FRAS1: variants seen among roughly 807,000 people sequenced by gnomAD.
The protein encoded by FRAS1 is Fraser extracellular matrix complex subunit 1.
FRAS1 carries 290 observed loss-of-function variants against 435.2 expected under a neutral mutation model. The ratio of observed to expected loss-of-function variants is 0.67; its 90% CI spans 0.61 to 0.73. The LOEUF (loss-of-function observed/expected upper bound fraction) is 0.73, where lower values mean the gene tolerates loss of function less well. Among genes scored for constraint, FRAS1 ranks in the 30% least tolerant of loss-of-function variants. FRAS1 has a pLI of 0.00. For synonymous variants in FRAS1, 1,800 were observed against 1,851.0 expected (o/e 0.97, Z 0.71); for missense variants, 4,860 against 5,001.5 (o/e 0.97, Z 0.85).
chr4:78,245,251 G>C lies in FRAS1; in HGVS notation c.235G>C (p.Ala79Pro), dbSNP rs927203381. ...TGCTCAGGGAGAAGTGCTTCAAATA[G>C]CTGCCAACCAATGCTGTCCTGAGTG... ...AFEKGEVLQI[A>P]ANQCCPECVL... The change falls in exon 4 of 74, where the codon GCT (alanine) becomes CCT (proline). Residue 79 changes from alanine to proline, a missense_variant. By Grantham distance (27) the Ala-to-Pro change is conservative (BLOSUM62 -1). Transcript: ENST00000512123. 8.7e-6 allele frequency: 14 copies of C among 1,607,538 alleles called. No individual in the cohort carries two copies. The highest frequency in any genetic ancestry group is 1.2e-5 in the Non-Finnish European group (14 of 1,176,974).
At chr4:78,341,901 G>A (rs1474142035) in intron 20 of FRAS1, among the ~76,000 whole-genome samples, 1 of 152,178 alleles carries the variant, frequency 6.6e-6, no homozygotes, top group East Asian at 1.9e-4. Context: ...GCTACTAGGA[G>A]CTTGTCTCCT....
intron 2 of FRAS1, chr4:78,181,632 C>CT (rs1722007023): frequency 6.2e-7 from 1 of 1,610,244 alleles, no homozygotes; most frequent in Non-Finnish European, 8.5e-7. Flanking sequence ...AGTGGCTTTT[C>CT]GAATCTTCGT....
At chr4:78,124,952 T>A (rs2109970843) in intron 2 of FRAS1, among the ~76,000 whole-genome samples, 1 of 152,340 alleles carries the variant, frequency 6.6e-6, no homozygotes, top group South Asian at 2.1e-4. Context: ...AATGCATTCA[T>A]TGATTTTTTG....
At chr4:78,345,844 A>T (rs1324319686) in intron 20 of FRAS1, among the ~76,000 whole-genome samples, 3 of 144,082 alleles carry the variant, frequency 2.1e-5, no homozygotes, top group Non-Finnish European at 1.5e-5. Context: ...ACCTATGCTT[A>T]AATTGAGTCC....
intron 9 of FRAS1, among the ~76,000 whole-genome samples, chr4:78,268,056 C>CT (rs199623916): frequency 2.6e-5 from 4 of 151,638 alleles, no homozygotes; most frequent in Non-Finnish European, 5.9e-5. Context: ...AGGGAAATGA[C>CT]TTTTTTTTTC....
intron 2 of FRAS1, among the ~76,000 whole-genome samples, chr4:78,158,782 C>A (rs538463519): frequency 1.3e-5 from 2 of 152,206 alleles, no homozygotes; most frequent in South Asian, 4.1e-4. Context: ...CTCCTATGAC[C>A]TCTTTACCCA....
intron 2 of FRAS1, among the ~76,000 whole-genome samples, chr4:78,169,873 T>C (rs1721480179): frequency 6.6e-6 from 1 of 152,164 alleles, no homozygotes; most frequent in Non-Finnish European, 1.5e-5. Flanking sequence ...ATTCTGGTGC[T>C]GCCATTTACT....
rs1310579240 is a variant in FRAS1, at chr4:78,540,545, C to T, written c.11460C>T (p.His3820=). The part of the protein sequence containing the change: ...VDALYKVEAG[H]QWYLQVIYII... ...TCCCCCTGCAGGTGGAAGCAGGACA[C>T]CAGTGGTATCTCCAGGTCATCTACA... Residue 3820 remains histidine, a synonymous_variant, in exon 74 of 74, where the codon CAC becomes CAT. Transcript: ENST00000512123. The T allele has an allele frequency of 8.0e-6, 12 of 1,498,846 alleles. No individual in the cohort carries two copies. Among genetic ancestry groups the T allele is most frequent in the South Asian group, 1.4e-5 (1 of 69,416 alleles). 92.8% of individuals were successfully genotyped at this position (1,498,846 alleles called of 1,614,324 possible). A position where few individuals can be genotyped will look rare whatever the true frequency, so the allele number is the denominator to read the frequency against.
intron 2 of FRAS1, among the ~76,000 whole-genome samples, chr4:78,236,308 A>ATTTT (rs146438795): frequency 0.24 from 35,505 of 150,530 alleles, 4,735 homozygotes; most frequent in Non-Finnish European, 0.29. Flanking sequence ...TTATTTATTT[A>ATTTT]TTTTTTGGCT....
intron 26 of FRAS1, 133 bp downstream of exon 26, chr4:78,376,012 C>T (rs1731746355): frequency 2.0e-6 from 2 of 982,696 alleles, no homozygotes; most frequent in Admixed American, 2.2e-5. Context: ...CATGGTGCTA[C>T]TAAGGAGTAA....
chr4:78,239,028 G>T (rs923131302), intron 3 of FRAS1, among the ~76,000 whole-genome samples: 1 of 151,990 alleles, frequency 6.6e-6, no homozygotes, highest in Non-Finnish European at 1.5e-5. Context: ...ATGGAAACAC[G>T]GGCTCACTTA....
chr4:78,464,285 G>C, intron 48 of FRAS1, 140 bp downstream of exon 48: 1 of 1,369,878 alleles, frequency 7.3e-7, no homozygotes, highest in Non-Finnish European at 9.9e-7. Flanking sequence ...AGCCTCTGTA[G>C]CCACCTTGGC....
At chr4:78,112,475 T>G (rs887689759) in intron 2 of FRAS1, among the ~76,000 whole-genome samples, 2 of 152,120 alleles carry the variant, frequency 1.3e-5, no homozygotes, top group African/African-American at 2.4e-5. Flanking sequence ...TAACTTTTTT[T>G]GAGGTCCCTG....
chr4:78,291,445 C>G (rs892539218), intron 14 of FRAS1, among the ~76,000 whole-genome samples: 1 of 152,182 alleles, frequency 6.6e-6, no homozygotes, highest in Non-Finnish European at 1.5e-5. Flanking sequence ...CTGCCTCACC[C>G]ACTGCTTGCC....
At position 78,284,312 on chromosome 4, in the gene FRAS1, T is replaced by C. The variant is rs1441435694; in HGVS notation, c.1256-93T>C. On this transcript the variant is annotated intron_variant, in intron 12 of 73. Coordinates refer to ENST00000512123, the MANE Select transcript of FRAS1 (RefSeq NM_025074.7). ...TTTCTGTTCTTCATGTTCTATGTAATGCTACATACTTTGTAGATTCTTTTC... is the reference window on the plus strand; with the variant it reads ...TTTCTGTTCTTCATGTTCTATGTAACGCTACATACTTTGTAGATTCTTTTC... 5.7e-6 allele frequency: 7 copies of C among 1,231,576 alleles called. No individual in the cohort carries two copies. The East Asian group carries it at 8.0e-5, about 14-fold the overall frequency. The allele number at this position is 1,231,576 out of a possible 1,614,324, so 76.3% of individuals were successfully genotyped here. A position where few individuals can be genotyped will look rare whatever the true frequency, so the allele number is the denominator to read the frequency against.
intron 1 of FRAS1, among the ~76,000 whole-genome samples, chr4:78,065,083 T>TATATATACACATACATACACACAC (rs1383890164): frequency 7.1e-6 from 1 of 140,596 alleles, no homozygotes; most frequent in South Asian, 2.2e-4. Context: ...TATATATATA[T>TATATATACACATACATACACACAC]ACATACACAC....
chr4:78,491,471 C>T (rs747508291), intron 59 of FRAS1, among the ~76,000 whole-genome samples: 3 of 152,186 alleles, frequency 2.0e-5, no homozygotes, highest in African/African-American at 2.4e-5. Context: ...AAGTTGGCTG[C>T]ATCCCTGGGA....
At chr4:78,492,294 A>G (rs940540202) in intron 59 of FRAS1, among the ~76,000 whole-genome samples, 2 of 152,218 alleles carry the variant, frequency 1.3e-5, no homozygotes, top group Admixed American at 6.5e-5. Context: ...AGAAAAAACT[A>G]CTTTAAATTT....
intron 2 of FRAS1, among the ~76,000 whole-genome samples, chr4:78,129,953 GCTT>G (rs1719601072): frequency 6.6e-6 from 1 of 152,146 alleles, no homozygotes; most frequent in South Asian, 2.1e-4. Context: ...ATTTGAGGCT[GCTT>G]CTTCCTCAGT....
Sources: gnomAD v4.1 joint callset for allele counts (sites outside exome capture counted in the v4.1 genomes callset) on GRCh38, gnomAD v4.1.1 for gene constraint, MANE v1.5 for transcripts, NCBI Gene and HGNC (gene_info 2026-07-23, HGNC 2026-07-21) for gene names.